BRD1: variants seen among roughly 807,000 people sequenced by gnomAD.
The protein encoded by BRD1 is bromodomain-containing protein 1.
BRD1 carries 24 observed loss-of-function variants against 107.7 expected under a neutral mutation model. The observed-to-expected ratio is 0.22, with a 90% CI of 0.16 to 0.31. The LOEUF (loss-of-function observed/expected upper bound fraction) is 0.31, where lower values mean the gene tolerates loss of function less well. Among genes scored for constraint, BRD1 ranks in the 10% least tolerant of loss-of-function variants. The probability of loss-of-function intolerance (pLI) is 1.00; values close to 1 mark genes in which losing one functional copy is unlikely to be tolerated. For missense variants in BRD1, 1,279 were observed against 1,638.6 expected, an observed-to-expected ratio of 0.78 and a Z score of 3.79; for synonymous variants, 744 against 686.1, an observed-to-expected ratio of 1.08 and a Z score of -1.32.
intron 12 of BRD1, among the ~76,000 whole-genome samples, chr22:49,775,101 C>G (rs559544723): frequency 2.0e-5 from 3 of 152,338 alleles, no homozygotes; most frequent in Admixed American, 1.3e-4. Flanking sequence ...ATGAGGGTCC[C>G]AGACGCTCTG....
At chr22:49,822,851 C>T in intron 2 of BRD1, 100 bp downstream of exon 2, 6 of 1,390,812 alleles carry the variant, frequency 4.3e-6, no homozygotes, top group Non-Finnish European at 3.9e-6. Context: ...CAACTAGAAA[C>T]GCAATGACCA....
In BRD1 at chr22:49,776,058, G is replaced by C; in HGVS notation, c.3223C>G (p.Pro1075Ala). Residue 1075 changes from proline (P) to alanine (A), a missense_variant, in exon 11 of 13, where the codon CCG becomes GCG. Transcript: ENST00000404760. ...ACGAGAGCCGTACTCACCAGTGCCG[G>C]GTAGGAGGGGTAGCCGCTGCACTTG... ...WAKCSGYPSY[P>A]ALIIDPKMPR... is the part of the protein sequence containing the mutation. 1 of 1,572,918 alleles carries C rather than the reference G, an allele frequency of 6.4e-7. No individual in the cohort carries two copies. Among genetic ancestry groups the C allele is most frequent in the Non-Finnish European group, 8.6e-7 (1 of 1,166,600 alleles).
At chr22:49,822,870 G>T in intron 2 of BRD1, 81 bp downstream of exon 2, 1 of 1,504,858 alleles carries the variant, frequency 6.6e-7, no homozygotes, top group Non-Finnish European at 9.0e-7. Flanking sequence ...CACACAGCAC[G>T]GGCCCTGCAG....
At position 49,774,153 on chromosome 22, in the gene BRD1, ATAAGT is replaced by A. The variant is rs1294145239; in HGVS notation, c.*75_*79del. 5 of 1,444,282 alleles carry A rather than the reference ATAAGT, an allele frequency of 3.5e-6. No homozygotes were observed. The East Asian group carries it at 7.4e-5, about 22-fold the overall frequency. 89.5% of individuals were successfully genotyped at this position (1,444,282 alleles called of 1,614,324 possible). A position where few individuals can be genotyped will look rare whatever the true frequency, so the allele number is the denominator to read the frequency against. ...TAAAGAGCTATAACTAAAAATCAGA[ATAAGT>A]TAAGTTTTGAACAATATACAAACAT... On this transcript the variant is annotated 3_prime_UTR_variant, in exon 13 of 13. Coordinates refer to ENST00000404760, the MANE Select transcript of BRD1 (RefSeq NM_001304808.3).
rs2059699441 is a variant in BRD1 at position 49,804,260 on chromosome 22, C to G, written c.1468G>C (p.Ala490Pro). The change falls in exon 3 of 13, where the codon GCC (alanine) becomes CCC (proline). Residue 490 changes from alanine to proline, a missense_variant. Around this residue, in one of 7 missense-constraint regions of BRD1, gnomAD observed 406 missense variants for 519.4 expected, o/e 0.78. Transcript: ENST00000404760. ...GACTGCAGCCGCCGCAGCAGGGGGG[C>G]CCCGTTCCTGGACAGCCGCTTGAGC... is the stretch of plus-strand genomic sequence containing the variant. ...WLLKRLSRNGAPLLRRLQSSL... is the reference protein window; with the variant it reads ...WLLKRLSRNGPPLLRRLQSSL... 1.2e-6 allele frequency: 2 copies of G among 1,609,374 alleles called. No homozygotes were observed. Among genetic ancestry groups the G allele is most frequent in the Non-Finnish European group, 8.5e-7 (1 of 1,177,848 alleles).
chr22:49,800,380 G>A (rs2059618894), intron 3 of BRD1, among the ~76,000 whole-genome samples: 1 of 152,074 alleles, frequency 6.6e-6, no homozygotes, highest in African/African-American at 2.4e-5. Context: ...GCAGGAAATC[G>A]GGGCTAAGAG....
chr22:49,812,380 A>C (rs1354372481), intron 2 of BRD1, among the ~76,000 whole-genome samples: 1 of 152,226 alleles, frequency 6.6e-6, no homozygotes, highest in Non-Finnish European at 1.5e-5. Flanking sequence ...TTTTATGGAG[A>C]AAACCATCAG....
intron 2 of BRD1, chr22:49,806,598 CCT>C (rs905282686): frequency 1.3e-5 from 2 of 152,180 alleles, no homozygotes; most frequent in Non-Finnish European, 2.9e-5. Context: ...GAAAGCAGTC[CCT>C]GAGGGCTGGG....
At chr22:49,786,643 G>C (rs2059331295) in intron 8 of BRD1, among the ~76,000 whole-genome samples, 1 of 152,300 alleles carries the variant, frequency 6.6e-6, no homozygotes, top group East Asian at 1.9e-4. Context: ...GGAAGGGCCA[G>C]GCTCAACCCC....
intron 6 of BRD1, among the ~76,000 whole-genome samples, chr22:49,795,304 G>A (rs1315513352): frequency 6.6e-6 from 1 of 152,222 alleles, no homozygotes; most frequent in Non-Finnish European, 1.5e-5. Flanking sequence ...CCAGGCAATG[G>A]GAGGTGTCGG....
chr22:49,801,645 G>A (rs1269458465), intron 3 of BRD1, among the ~76,000 whole-genome samples: 7 of 152,214 alleles, frequency 4.6e-5, no homozygotes, highest in South Asian at 2.1e-4. Context: ...AGGTGACTTC[G>A]AGAAGCTGCC....
chr22:49,776,856 A>G lies in BRD1; in HGVS notation c.3121+178T>C, dbSNP rs538800724. ...GCGCCACCTCCGCAGGCACCCCGGC[A>G]GGGCCACAGCCCAGAGCCCCTCGGT... On this transcript the variant is annotated intron_variant, in intron 10 of 12. Coordinates refer to ENST00000404760, the MANE Select transcript of BRD1 (RefSeq NM_001304808.3). 2.6e-5 allele frequency among the ~76,000 whole-genome samples: 4 copies of G among 152,370 alleles called. No individual in the cohort carries two copies. The East Asian group carries it at 7.7e-4, about 29-fold the overall frequency.
intron 3 of BRD1, 146 bp downstream of exon 3, chr22:49,804,058 G>C: frequency 1.6e-6 from 1 of 623,946 alleles, no homozygotes; most frequent in Non-Finnish European, 2.5e-6. Flanking sequence ...TCCTCCTACA[G>C]CTCCAGGGCT....
Position 49,776,216 on chromosome 22 carries a change from G to A in BRD1, c.3122-57C>T, listed in dbSNP as rs779353094. The A allele has an allele frequency of 2.9e-4, 433 of 1,475,696 alleles. 4 individuals are homozygous for A. The Middle Eastern group carries it at 0.016, about 53-fold the overall frequency. The allele number at this position is 1,475,696 out of a possible 1,614,324, so 91.4% of individuals were successfully genotyped here. A position where few individuals can be genotyped will look rare whatever the true frequency, so the allele number is the denominator to read the frequency against. On this transcript the variant is annotated intron_variant, in intron 10 of 12. Transcript: ENST00000404760. ...GTCAGCAGGACACGGGGCACGCCCCGCCCCCCCACAAAAGGTGCAGCAACA... is the reference window on the plus strand; with the variant it reads ...GTCAGCAGGACACGGGGCACGCCCCACCCCCCCACAAAAGGTGCAGCAACA...
At chr22:49,801,798 CTT>C (rs2059646482) in intron 3 of BRD1, among the ~76,000 whole-genome samples, 1 of 152,222 alleles carries the variant, frequency 6.6e-6, no homozygotes, top group Admixed American at 6.5e-5. Flanking sequence ...CGGGTCACCT[CTT>C]CTTTGCAACC....
chr22:49,826,444 G>A (rs1013840137), intron 1 of BRD1, among the ~76,000 whole-genome samples: 1 of 152,224 alleles, frequency 6.6e-6, no homozygotes, highest in Non-Finnish European at 1.5e-5. Flanking sequence ...CCTTCCACTG[G>A]GACAAGCATT....
chr22:49,826,177 C>T, intron 1 of BRD1: 1 of 985,438 alleles, frequency 1.0e-6, no homozygotes, highest in Non-Finnish European at 1.2e-6. Flanking sequence ...CTGTCATTTT[C>T]CCCTCGACAG....
chr22:49,780,459 C>T (rs896504987), intron 8 of BRD1, among the ~76,000 whole-genome samples: 1 of 152,200 alleles, frequency 6.6e-6, no homozygotes, highest in African/African-American at 2.4e-5. Context: ...AGACACCACC[C>T]AGCAGGAGGC....
At chr22:49,819,075 T>C (rs1176637147) in intron 2 of BRD1, among the ~76,000 whole-genome samples, 1 of 148,332 alleles carries the variant, frequency 6.7e-6, no homozygotes, top group Non-Finnish European at 1.5e-5. Context: ...CTGGACAACA[T>C]GGTGAAACCC....
Sources: allele counts gnomAD v4.1 joint callset (sites outside exome capture counted in the v4.1 genomes callset), GRCh38; gene constraint gnomAD v4.1.1; regional missense constraint gnomAD v4.1.1; transcripts MANE v1.5; gene names NCBI Gene and HGNC (gene_info 2026-07-23, HGNC 2026-07-21).